TSPEAR: variants seen among roughly 807,000 people sequenced by gnomAD.
TSPEAR encodes thrombospondin type laminin G domain and EAR repeats, also known as thrombospondin-type laminin G domain and EAR repeat-containing protein.
A neutral mutation model predicts 71.6 loss-of-function variants in TSPEAR; 69 were observed. The observed-to-expected ratio is 0.96, with a 90% CI of 0.79 to 1.18. The LOEUF is 1.18. Ranked by LOEUF, TSPEAR falls within the 50% of genes most tolerant of loss-of-function variation. TSPEAR has a pLI of 0.00. For missense variants in TSPEAR, 971 were observed against 894.9 expected (o/e 1.09, Z -1.09); for synonymous variants, 402 against 387.2 (o/e 1.04, Z -0.45).
chr21:44,527,721 C>G (rs2052886259), intron 6 of TSPEAR, among the ~76,000 whole-genome samples: 2 of 152,234 alleles, frequency 1.3e-5, no homozygotes, highest in South Asian at 4.1e-4. Flanking sequence ...GCTTTGTGAT[C>G]TGTGCAGCCC....
intron 1 of TSPEAR, among the ~76,000 whole-genome samples, chr21:44,640,277 C>G (rs1332267760): frequency 6.6e-6 from 1 of 152,240 alleles, no homozygotes; most frequent in Admixed American, 6.5e-5. Context: ...GCCTTGAAAG[C>G]ATGATGCTCA....
intron 1 of TSPEAR, among the ~76,000 whole-genome samples, chr21:44,709,714 C>T (rs1988120186): frequency 6.6e-6 from 1 of 152,222 alleles, no homozygotes; most frequent in Admixed American, 6.5e-5. Context: ...GCGACACAGC[C>T]CCAGCCAGCG....
chr21:44,664,585 A>T (rs1985654598), intron 1 of TSPEAR, among the ~76,000 whole-genome samples: 1 of 152,224 alleles, frequency 6.6e-6, no homozygotes, highest in African/African-American at 2.4e-5. Context: ...GGAAAGACAA[A>T]GAAACTAGAG....
intron 1 of TSPEAR, chr21:44,678,186 A>C: frequency 2.2e-6 from 1 of 451,820 alleles, no homozygotes; most frequent in South Asian, 2.6e-5. Flanking sequence ...TATTTTTATC[A>C]CTCCTATTGA....
At chr21:44,645,825 C>T (rs1188480340) in intron 1 of TSPEAR, among the ~76,000 whole-genome samples, 3 of 152,074 alleles carry the variant, frequency 2.0e-5, no homozygotes, top group Non-Finnish European at 4.4e-5. Flanking sequence ...TCTAAAACCT[C>T]AACTCAACAA....
At chr21:44,551,181 G>C (rs782138371) in intron 2 of TSPEAR, 2 of 1,597,616 alleles carry the variant, frequency 1.3e-6, no homozygotes, top group Non-Finnish European at 1.7e-6. Context: ...CTGGCAGGGG[G>C]AGGAGGTGCA....
intron 1 of TSPEAR, among the ~76,000 whole-genome samples, chr21:44,653,836 G>A (rs587768440): frequency 5.3e-5 from 8 of 152,296 alleles, no homozygotes; most frequent in South Asian, 2.1e-4. Context: ...CCACTAGCCC[G>A]AGAGGGTGCT....
intron 2 of TSPEAR, chr21:44,539,956 G>C: frequency 3.1e-6 from 5 of 1,613,546 alleles, no homozygotes; most frequent in Non-Finnish European, 4.2e-6. Flanking sequence ...ATTGGCAGGG[G>C]CTGGGCTCAC....
intron 8 of TSPEAR, among the ~76,000 whole-genome samples, chr21:44,523,317 G>C (rs991677872): frequency 6.6e-6 from 1 of 152,168 alleles, no homozygotes; most frequent in African/African-American, 2.4e-5. Flanking sequence ...TTGTCAGTCA[G>C]TCAGGTAGGT....
intron 1 of TSPEAR, among the ~76,000 whole-genome samples, chr21:44,586,006 G>A (rs782195586): frequency 7.9e-5 from 12 of 152,202 alleles, no homozygotes; most frequent in Non-Finnish European, 1.3e-4. Flanking sequence ...CTGAGTACAG[G>A]GGCTTTGGTT....
intron 1 of TSPEAR, among the ~76,000 whole-genome samples, chr21:44,611,237 A>C (rs1981648918): frequency 6.6e-6 from 1 of 152,122 alleles, no homozygotes; most frequent in Non-Finnish European, 1.5e-5. Flanking sequence ...CCAAATCTCG[A>C]CTTGAATTTC....
chr21:44,517,660 A>G (rs1194241230), intron 9 of TSPEAR: 3 of 429,982 alleles, frequency 7.0e-6, no homozygotes, highest in Non-Finnish European at 4.8e-6. Context: ...AACTAACCCA[A>G]TATGGCAGGA....
At chr21:44,604,448 C>T (rs1981182608) in intron 1 of TSPEAR, among the ~76,000 whole-genome samples, 3 of 152,022 alleles carry the variant, frequency 2.0e-5, no homozygotes, top group Admixed American at 2.0e-4. Context: ...ATCGAGACAC[C>T]ATGCACAAAA....
intron 1 of TSPEAR, chr21:44,676,494 G>A (rs771165405): frequency 3.8e-5 from 32 of 831,984 alleles, no homozygotes; most frequent in Non-Finnish European, 5.6e-5. Flanking sequence ...CAGCGTGTTC[G>A]ATTCCTCTGA....
chr21:44,613,212 TC>T (rs782484946), intron 1 of TSPEAR, among the ~76,000 whole-genome samples: 37 of 152,332 alleles, frequency 2.4e-4, no homozygotes, highest in Non-Finnish European at 4.3e-4. Flanking sequence ...GATTCTCTTT[TC>T]CTGTTGTTCT....
intron 1 of TSPEAR, among the ~76,000 whole-genome samples, chr21:44,675,575 C>T (rs1418613267): frequency 4.0e-5 from 6 of 151,674 alleles, no homozygotes; most frequent in African/African-American, 1.5e-4. Context: ...GCTCCGAGGG[C>T]AAAATCAACA....
chr21:44,521,692 C>G (rs2052737586), intron 9 of TSPEAR, among the ~76,000 whole-genome samples, 191 bp downstream of exon 9: 1 of 152,232 alleles, frequency 6.6e-6, no homozygotes, highest in African/African-American at 2.4e-5. Context: ...GCAAGAAGGG[C>G]TCAGACGCCA....
intron 1 of TSPEAR, among the ~76,000 whole-genome samples, chr21:44,656,808 T>A (rs1195774625): frequency 6.6e-6 from 1 of 152,218 alleles, no homozygotes; most frequent in Non-Finnish European, 1.5e-5. Context: ...TACTAGTATG[T>A]TAGACAGTTC....
At chr21:44,698,297 G>C (rs1447519774) in intron 1 of TSPEAR, among the ~76,000 whole-genome samples, 1 of 152,172 alleles carries the variant, frequency 6.6e-6, no homozygotes, top group African/African-American at 2.4e-5. Context: ...TCTCTTCTTT[G>C]AGTCATTTCT....
Sources: gnomAD v4.1 joint callset for allele counts (sites outside exome capture counted in the v4.1 genomes callset) on GRCh38, gnomAD v4.1.1 for gene constraint, MANE v1.5 for transcripts, NCBI Gene and HGNC (gene_info 2026-07-23, HGNC 2026-07-21) for gene names.